Variants in CASR observed in about 807,000 individuals in gnomAD.
CASR encodes the protein calcium sensing receptor.
A neutral mutation model predicts 69.1 loss-of-function variants in CASR; 23 were observed. The observed-to-expected ratio is 0.33, with a 90% CI of 0.24 to 0.47. CASR has a LOEUF of 0.47. CASR is among the 20% of genes least tolerant of loss of function. The probability of loss-of-function intolerance (pLI) is 1.00; values close to 1 mark genes in which losing one functional copy is unlikely to be tolerated. For synonymous variants in CASR, 541 were observed against 544.7 expected (o/e 0.99, Z 0.10); for missense variants, 924 against 1,356.1 (o/e 0.68, Z 5.00).
At chr3:122,230,798 G>T (rs1304478342) in intron 1 of CASR, among the ~76,000 whole-genome samples, 2 of 152,206 alleles carry the variant, frequency 1.3e-5, no homozygotes, top group Non-Finnish European at 2.9e-5. Flanking sequence ...AGGAGGAGCA[G>T]CTAGGTGGGG....
chr3:122,263,569 T>G lies in CASR; in HGVS notation c.1377+1157T>G, dbSNP rs139253536. 2.8e-4 allele frequency among the ~76,000 whole-genome samples: 42 copies of G among 152,244 alleles called. No individual in the cohort carries two copies. In the East Asian group the frequency reaches 7.9e-3, roughly 29 times the overall value. On this transcript the variant is annotated intron_variant, in intron 4 of 6. Coordinates refer to ENST00000639785, the MANE Select transcript of CASR (RefSeq NM_000388.4). Reference sequence around the variant, plus strand: ...ACAGAACCCAACCACCACAAACCCTTTGGGAAGGATACCAAGAAGCAAAAA... The same window carrying G: ...ACAGAACCCAACCACCACAAACCCTGTGGGAAGGATACCAAGAAGCAAAAA...
chr3:122,226,258 C>T (rs2074221443), intron 1 of CASR, among the ~76,000 whole-genome samples: 1 of 152,014 alleles, frequency 6.6e-6, no homozygotes, highest in Non-Finnish European at 1.5e-5. Context: ...CGTGGTCTTG[C>T]TGGCTCAGGA....
At chr3:122,209,727 C>T (rs2074043088) in intron 1 of CASR, among the ~76,000 whole-genome samples, 1 of 152,164 alleles carries the variant, frequency 6.6e-6, no homozygotes, top group African/African-American at 2.4e-5. Flanking sequence ...GGACTTCTCC[C>T]TAACTCATTT....
intron 1 of CASR, among the ~76,000 whole-genome samples, chr3:122,199,126 G>A (rs1013374619): frequency 2.6e-5 from 4 of 152,164 alleles, no homozygotes; most frequent in African/African-American, 9.7e-5. Flanking sequence ...CAATATACAT[G>A]GAAGTCACAT....
chr3:122,230,182 C>T (rs1017289609), intron 1 of CASR, among the ~76,000 whole-genome samples: 2 of 152,196 alleles, frequency 1.3e-5, no homozygotes, highest in African/African-American at 2.4e-5. Flanking sequence ...GACATTGGGA[C>T]GAGATCCTGC....
intron 4 of CASR, among the ~76,000 whole-genome samples, chr3:122,275,596 A>G (rs1267820699): frequency 3.9e-5 from 6 of 152,208 alleles, no homozygotes; most frequent in Non-Finnish European, 7.3e-5. Context: ...CCTAATCATA[A>G]TTTGAATAAT....
intron 1 of CASR, among the ~76,000 whole-genome samples, chr3:122,214,151 C>G (rs2074093993): frequency 6.6e-6 from 1 of 152,170 alleles, no homozygotes; most frequent in African/African-American, 2.4e-5. Flanking sequence ...TTTGTTGATT[C>G]TACTTTATGG....
chr3:122,281,903 TAC>T (rs1050444626), intron 5 of CASR, among the ~76,000 whole-genome samples: 46 of 152,254 alleles, frequency 3.0e-4, no homozygotes, highest in African/African-American at 1.0e-3. Context: ...TGTGCATGTA[TAC>T]ACACACACTT....
intron 5 of CASR, among the ~76,000 whole-genome samples, chr3:122,276,568 C>T (rs13093602): frequency 0.1 from 15,338 of 152,208 alleles, 1,527 homozygotes; most frequent in East Asian, 0.52. Context: ...TGGCCAGTAA[C>T]AGCCATTGAA....
intron 1 of CASR, among the ~76,000 whole-genome samples, chr3:122,234,904 G>T (rs889888122): frequency 6.6e-6 from 1 of 152,204 alleles, no homozygotes; most frequent in Non-Finnish European, 1.5e-5. Flanking sequence ...TTAAATGCTG[G>T]TTCCTGATTC....
At chr3:122,201,858 G>T (rs1030924402) in intron 1 of CASR, among the ~76,000 whole-genome samples, 8 of 151,894 alleles carry the variant, frequency 5.3e-5, no homozygotes, top group African/African-American at 1.5e-4. Context: ...TCCTAGATGG[G>T]ATGGCGGCCG....
intron 1 of CASR, among the ~76,000 whole-genome samples, chr3:122,220,201 A>C (rs1403801274): frequency 6.6e-6 from 1 of 152,232 alleles, no homozygotes; most frequent in Non-Finnish European, 1.5e-5. Context: ...AGGATGATCC[A>C]TTCTGGTGTC....
chr3:122,205,179 G>A (rs2073994831), intron 1 of CASR, among the ~76,000 whole-genome samples: 1 of 151,964 alleles, frequency 6.6e-6, no homozygotes, highest in Admixed American at 6.6e-5. Context: ...AGCATTTCCT[G>A]AGTGCTTTCT....
At chr3:122,231,948 T>C (rs1005290441) in intron 1 of CASR, among the ~76,000 whole-genome samples, 6 of 152,174 alleles carry the variant, frequency 3.9e-5, no homozygotes, top group Non-Finnish European at 7.3e-5. Flanking sequence ...TGTGAAGGGC[T>C]CCTGGCTGTG....
Position 122,285,136 on chromosome 3 carries a change from G to A in CASR, c.3182G>A (p.Ser1061Asn), listed in dbSNP as rs2074954983. 1 of 1,614,188 alleles carries A rather than the reference G, an allele frequency of 6.2e-7. No homozygotes were observed. The highest frequency in any genetic ancestry group is 8.5e-7 in the Non-Finnish European group (1 of 1,180,036). Reference sequence around the variant, plus strand: ...GCACTTGTAGTGTCCAGTTCACAGAGCTTTGTCATCAGTGGTGGAGGCAGC... The same window carrying A: ...GCACTTGTAGTGTCCAGTTCACAGAACTTTGTCATCAGTGGTGGAGGCAGC... ...SPALVVSSSQ[S>N]FVISGGGSTV... Residue 1061 changes from serine to asparagine, a missense_variant, in exon 7 of 7, where the codon AGC becomes AAC. Physicochemically the swap from Ser to Asn is conservative, Grantham distance 46. Coordinates refer to ENST00000639785, the MANE Select transcript of CASR (RefSeq NM_000388.4).
intron 1 of CASR, among the ~76,000 whole-genome samples, chr3:122,235,316 G>A (rs1469625604): frequency 6.6e-6 from 1 of 152,194 alleles, no homozygotes; most frequent in East Asian, 1.9e-4. Context: ...GGAAGAGAGG[G>A]TGAGAAGTAG....
chr3:122,241,303 T>A (rs2074377363), intron 1 of CASR, among the ~76,000 whole-genome samples: 1 of 150,848 alleles, frequency 6.6e-6, no homozygotes, highest in African/African-American at 2.4e-5. Context: ...TAGGAAAAAA[T>A]GAGAGAAGAC....
chr3:122,223,053 G>T (rs112303274), intron 1 of CASR, among the ~76,000 whole-genome samples: 5,847 of 152,152 alleles, frequency 0.038, 132 homozygotes, highest in South Asian at 0.071. Flanking sequence ...CAGAATCTTT[G>T]GGACACAACT....
chr3:122,202,506 AG>A (rs2073967657), intron 1 of CASR, among the ~76,000 whole-genome samples: 1 of 138,808 alleles, frequency 7.2e-6, no homozygotes, highest in Admixed American at 6.9e-5. Flanking sequence ...AGAGGGAGAG[AG>A]GCCCATTGTT....
Sources: gnomAD v4.1 joint callset for allele counts (sites outside exome capture counted in the v4.1 genomes callset) on GRCh38, gnomAD v4.1.1 for gene constraint, MANE v1.5 for transcripts, NCBI Gene and HGNC (gene_info 2026-07-23, HGNC 2026-07-21) for gene names.